TNKS: variants seen among roughly 807,000 people sequenced by gnomAD.
The protein encoded by TNKS is poly [ADP-ribose] polymerase tankyrase-1.
In TNKS, 72 loss-of-function variants were observed where a neutral mutation model predicts 135.8. That is an observed-to-expected ratio of 0.53 (90% CI 0.44 to 0.64). The LOEUF is 0.64. Among genes scored for constraint, TNKS ranks in the 30% least tolerant of loss-of-function variants. The pLI, the probability that TNKS is intolerant of heterozygous loss-of-function variation, is 0.00. For missense variants in TNKS, 1,769 were observed against 1,674.0 expected, an observed-to-expected ratio of 1.06 and a Z score of -0.99; for synonymous variants, 849 against 649.3, an observed-to-expected ratio of 1.31 and a Z score of -4.68.
intron 3 of TNKS, among the ~76,000 whole-genome samples, chr8:9,637,657 A>C (rs538489367): frequency 2.5e-4 from 38 of 152,318 alleles, no homozygotes; most frequent in African/African-American, 7.9e-4. Context: ...AAATTTTGTG[A>C]ATTTGTTTAC....
At position 9,556,322 on chromosome 8, in the gene TNKS, C is replaced by G; in HGVS notation, c.383C>G (p.Ser128Ter). Residue 128 changes from serine to a stop codon, truncating the protein, a stop_gained, in exon 1 of 27, where the codon TCA (serine) becomes TGA (stop). Transcript: ENST00000310430. LOFTEE classifies it high-confidence loss of function. ...PNPAGSGSNN[S>*]PSSSSSPTSS... ...CCAGCCGGCAGTGGCAGTAACAATT[C>G]ACCGTCGTCCTCTTCTTCCCCGACT... 1 of 1,614,260 alleles carries G rather than the reference C, an allele frequency of 6.2e-7. No individual in the cohort carries two copies. The highest frequency in any genetic ancestry group is 8.5e-7 in the Non-Finnish European group (1 of 1,180,042).
intron 1 of TNKS, among the ~76,000 whole-genome samples, chr8:9,574,806 G>A (rs767849014): frequency 6.6e-6 from 1 of 151,994 alleles, no homozygotes; most frequent in Admixed American, 6.6e-5. Flanking sequence ...AATGAACTAT[G>A]TATGAAAGTA....
At chr8:9,668,866 A>G (rs892642369) in intron 3 of TNKS, among the ~76,000 whole-genome samples, 6 of 152,200 alleles carry the variant, frequency 3.9e-5, no homozygotes, top group African/African-American at 7.2e-5. Flanking sequence ...AATTTAGTCT[A>G]TATTTTTAAA....
chr8:9,626,290 T>C (rs1800050825), intron 3 of TNKS, among the ~76,000 whole-genome samples: 1 of 152,226 alleles, frequency 6.6e-6, no homozygotes, highest in Non-Finnish European at 1.5e-5. Flanking sequence ...AATATCATTA[T>C]ATTTGAACTG....
chr8:9,615,501 A>G, intron 2 of TNKS, 81 bp from the exon 3 acceptor site: 3 of 1,195,014 alleles, frequency 2.5e-6, no homozygotes, highest in Admixed American at 2.4e-5. Context: ...GTTTATGCCT[A>G]CACCATGCCG....
At chr8:9,695,641 A>T (rs1803479766) in intron 5 of TNKS, among the ~76,000 whole-genome samples, 1 of 152,120 alleles carries the variant, frequency 6.6e-6, no homozygotes. Context: ...ATGTTGTGTT[A>T]CTCTAAGGGG....
chr8:9,582,256 C>G (rs909583706), intron 2 of TNKS, among the ~76,000 whole-genome samples: 4 of 151,364 alleles, frequency 2.6e-5, no homozygotes, highest in Non-Finnish European at 5.9e-5. Flanking sequence ...TGAGATTTTT[C>G]TCTGTAAGGC....
intron 17 of TNKS, among the ~76,000 whole-genome samples, chr8:9,735,790 ACT>A (rs1409509797): frequency 1.3e-5 from 2 of 151,950 alleles, no homozygotes; most frequent in Non-Finnish European, 2.9e-5. Flanking sequence ...ACAGAGCGAG[ACT>A]CTGACTCAAA....
chr8:9,660,724 A>C (rs1160344576), intron 3 of TNKS, among the ~76,000 whole-genome samples: 2 of 152,172 alleles, frequency 1.3e-5, no homozygotes, highest in Non-Finnish European at 2.9e-5. Context: ...ATAGTGTTGG[A>C]AGTCCTGGCC....
chr8:9,622,620 T>C (rs913327033), intron 3 of TNKS, among the ~76,000 whole-genome samples: 14 of 152,186 alleles, frequency 9.2e-5, no homozygotes, highest in African/African-American at 3.4e-4. Flanking sequence ...TGGAAGGACA[T>C]GGCATGGCCT....
intron 12 of TNKS, among the ~76,000 whole-genome samples, chr8:9,725,773 C>G (rs887458336): frequency 3.9e-5 from 6 of 152,252 alleles, no homozygotes; most frequent in Admixed American, 2.6e-4. Flanking sequence ...CATAAACATA[C>G]TTTTGGTTGA....
chr8:9,605,265 G>A (rs1239314412), intron 2 of TNKS, among the ~76,000 whole-genome samples: 2 of 152,006 alleles, frequency 1.3e-5, no homozygotes, highest in East Asian at 1.9e-4. Flanking sequence ...ATGTTCTTGT[G>A]TGTCTGGCTT....
intron 11 of TNKS, among the ~76,000 whole-genome samples, chr8:9,711,358 A>G (rs1175564754): frequency 1.3e-5 from 2 of 152,188 alleles, no homozygotes; most frequent in South Asian, 4.1e-4. Flanking sequence ...GACAGTGGCA[A>G]ACTCACTTGT....
chr8:9,660,873 A>C (rs1176057925), intron 3 of TNKS, among the ~76,000 whole-genome samples: 2 of 152,148 alleles, frequency 1.3e-5, no homozygotes, highest in East Asian at 3.9e-4. Flanking sequence ...TAAGCTGATA[A>C]GCAACTTCAG....
chr8:9,684,022 C>G (rs1262714563), intron 5 of TNKS, among the ~76,000 whole-genome samples: 1 of 151,040 alleles, frequency 6.6e-6, no homozygotes, highest in African/African-American at 2.4e-5. Flanking sequence ...TAAAATGATA[C>G]TTTTATGCAA....
At chr8:9,643,562 A>G (rs1800800513) in intron 3 of TNKS, among the ~76,000 whole-genome samples, 2 of 152,154 alleles carry the variant, frequency 1.3e-5, no homozygotes, top group African/African-American at 4.8e-5. Context: ...TTGGAGGGAC[A>G]CATTCAATCC....
intron 5 of TNKS, among the ~76,000 whole-genome samples, chr8:9,697,927 C>T (rs748578139): frequency 6.6e-6 from 1 of 152,108 alleles, no homozygotes; most frequent in Non-Finnish European, 1.5e-5. Context: ...AATAGATTAT[C>T]ATACCAAAAA....
At chr8:9,645,914 C>T (rs1331395355) in intron 3 of TNKS, among the ~76,000 whole-genome samples, 3 of 152,040 alleles carry the variant, frequency 2.0e-5, no homozygotes, top group Non-Finnish European at 4.4e-5. Flanking sequence ...CACATTGTTT[C>T]TCTGATTTGA....
intron 1 of TNKS, among the ~76,000 whole-genome samples, chr8:9,571,845 A>G (rs922861477): frequency 6.6e-6 from 1 of 152,122 alleles, no homozygotes; most frequent in Non-Finnish European, 1.5e-5. Context: ...ACTTGAATAT[A>G]AAGAGTTTCT....
Sources: allele counts gnomAD v4.1 joint callset (sites outside exome capture counted in the v4.1 genomes callset), GRCh38; gene constraint gnomAD v4.1.1; transcripts MANE v1.5; gene names NCBI Gene and HGNC (gene_info 2026-07-23, HGNC 2026-07-21).